The following INTU variants were observed in gnomAD, a reference collection of about 807,000 sequenced individuals.
INTU encodes protein inturned.
In INTU, 68 loss-of-function variants were observed where a neutral mutation model predicts 100.5. That is an observed-to-expected ratio of 0.68 (90% CI 0.56 to 0.83). The LOEUF (loss-of-function observed/expected upper bound fraction) is 0.83. Ranked by LOEUF, INTU falls within the 40% of genes least tolerant of loss-of-function variation. INTU has a pLI of 0.00. For synonymous variants in INTU, 357 were observed against 395.7 expected (o/e 0.90, Z 1.16); for missense variants, 1,071 against 1,114.7 (o/e 0.96, Z 0.56).
At chr4:127,707,275 CG>C (rs1278353612) in intron 12 of INTU, among the ~76,000 whole-genome samples, 6 of 149,648 alleles carry the variant, frequency 4.0e-5, no homozygotes, top group African/African-American at 1.5e-4. Context: ...CCAGATGCAT[CG>C]GGAGGCTGAG....
At chr4:127,675,470 T>A (rs1447729230) in intron 6 of INTU, among the ~76,000 whole-genome samples, 3 of 152,212 alleles carry the variant, frequency 2.0e-5, no homozygotes, top group African/African-American at 7.2e-5. Context: ...TTTATTGCTG[T>A]GTAACAAATC....
rs574911729 is a variant in INTU at position 127,646,031 on chromosome 4, A to C, written c.682+1975A>C. Among the ~76,000 whole-genome samples, 3 of 152,078 alleles carry C rather than the reference A, an allele frequency of 2.0e-5. No individual in the cohort carries two copies. The South Asian group carries it at 6.2e-4, about 32-fold the overall frequency. On this transcript the variant is annotated intron_variant, in intron 2 of 15. Transcript: ENST00000335251. The stretch of plus-strand genomic sequence containing the variant: ...GACCCCGTGTCTACTAAAAAATACA[A>C]AACTTAGCTGGGCCTTGTGGTGCAT...
chr4:127,655,908 C>T (rs1398376084), intron 2 of INTU, among the ~76,000 whole-genome samples: 6 of 152,172 alleles, frequency 3.9e-5, no homozygotes, highest in South Asian at 4.1e-4. Context: ...GAGCCAGGTG[C>T]GGGATATAAT....
intron 13 of INTU, among the ~76,000 whole-genome samples, chr4:127,710,588 A>G (rs1249292064): frequency 6.6e-6 from 1 of 152,154 alleles, no homozygotes; most frequent in East Asian, 1.9e-4. Flanking sequence ...ATTTAATACC[A>G]ACCATGGAAA....
At position 127,714,091 on chromosome 4, in the gene INTU, A is replaced by G. The variant is rs773287426; in HGVS notation, c.2715A>G (p.Val905=). Residue 905 remains valine (V), a splice_region_variant and synonymous_variant, in exon 15 of 16, where the codon GTA becomes GTG. Coordinates refer to ENST00000335251, the MANE Select transcript of INTU (RefSeq NM_015693.4). ...CACCAGTTATGGCTTACTGGGTAGT[A>G]GGGTAAGTGAGAAAAAAAAGTATTT... The part of the protein sequence containing the change: ...KAPPVMAYWV[V]GRLFLHPKPQ... The G allele has an allele frequency of 1.2e-6, 2 of 1,602,452 alleles. No homozygotes were observed. The highest frequency in any genetic ancestry group is 1.7e-6 in the Non-Finnish European group (2 of 1,176,970).
intron 13 of INTU, among the ~76,000 whole-genome samples, chr4:127,708,945 A>G (rs1299582659): frequency 1.3e-5 from 2 of 152,178 alleles, no homozygotes; most frequent in Non-Finnish European, 2.9e-5. Flanking sequence ...TATTTAATAT[A>G]ATTTTTAAAT....
chr4:127,659,162 A>T (rs1293876457), intron 3 of INTU, among the ~76,000 whole-genome samples: 2 of 152,134 alleles, frequency 1.3e-5, no homozygotes, highest in East Asian at 3.9e-4. Context: ...CTGGCCACTC[A>T]CCTCCTGCTA....
intron 2 of INTU, among the ~76,000 whole-genome samples, chr4:127,649,555 C>A (rs952999278): frequency 6.6e-6 from 1 of 151,864 alleles, no homozygotes; most frequent in Non-Finnish European, 1.5e-5. Flanking sequence ...TTGAGCATCC[C>A]AAATCTGACA....
intron 6 of INTU, among the ~76,000 whole-genome samples, chr4:127,681,909 A>G (rs1340753411): frequency 6.6e-6 from 1 of 152,200 alleles, no homozygotes; most frequent in East Asian, 1.9e-4. Flanking sequence ...ATCTGCAAGA[A>G]AAAAACAAAC....
At chr4:127,644,578 A>G (rs1054863496) in intron 2 of INTU, among the ~76,000 whole-genome samples, 3 of 152,228 alleles carry the variant, frequency 2.0e-5, no homozygotes, top group Non-Finnish European at 4.4e-5. Flanking sequence ...GTCATAAAAT[A>G]TATCTGTCAT....
chr4:127,684,514 A>C (rs1301170314), intron 7 of INTU, 28 bp downstream of exon 7: 2 of 1,242,456 alleles, frequency 1.6e-6, no homozygotes, highest in East Asian at 4.8e-5. Flanking sequence ...TTGAATCTCA[A>C]GTTTTAATTA....
At chr4:127,656,156 G>C (rs902862813) in intron 2 of INTU, among the ~76,000 whole-genome samples, 3 of 152,180 alleles carry the variant, frequency 2.0e-5, no homozygotes, top group African/African-American at 7.2e-5. Flanking sequence ...CGGTACCTCA[G>C]ATGGAAATGC....
chr4:127,673,973 G>T, intron 5 of INTU, 151 bp from the exon 6 acceptor site: 1 of 426,730 alleles, frequency 2.3e-6, no homozygotes, highest in Non-Finnish European at 4.0e-6. Context: ...ATAATTCCTT[G>T]CGTTTTTTAT....
intron 2 of INTU, among the ~76,000 whole-genome samples, chr4:127,646,579 A>G (rs897591465): frequency 6.6e-6 from 1 of 152,248 alleles, no homozygotes; most frequent in African/African-American, 2.4e-5. Context: ...CAATTCTGTC[A>G]GTCTTTCTCA....
At chr4:127,671,589 T>G (rs1364185938) in intron 5 of INTU, among the ~76,000 whole-genome samples, 1 of 152,038 alleles carries the variant, frequency 6.6e-6, no homozygotes, top group Admixed American at 6.6e-5. Flanking sequence ...AACTACAATT[T>G]GATCCAGTAA....
rs1024169359 is a variant in INTU, at chr4:127,725,657, C to T, written c.*9221C>T. ...GTGTCAGAGAAACATGAGACCATCG[C>T]TCAATAATGGAAATAAAAAGGCAGA... On this transcript the variant is annotated 3_prime_UTR_variant, in exon 16 of 16. Transcript: ENST00000335251. The T allele has an allele frequency of 2.0e-5, 3 of 152,018 alleles. No homozygotes were observed. Among genetic ancestry groups the T allele is most frequent in the African/African-American group, 7.3e-5 (3 of 41,370 alleles). The allele number at this position is 152,018 out of a possible 1,614,324, so 9.4% of individuals were successfully genotyped here. A position where few individuals can be genotyped will look rare whatever the true frequency, so the allele number is the denominator to read the frequency against.
At chr4:127,676,076 T>G (rs1420785454) in intron 6 of INTU, 1 of 168,454 alleles carries the variant, frequency 5.9e-6, no homozygotes, top group Non-Finnish European at 1.3e-5. Flanking sequence ...GTAACTTTAA[T>G]TTTGGACAGA....
At chr4:127,648,646 A>G (rs1425428310) in intron 2 of INTU, among the ~76,000 whole-genome samples, 4 of 152,232 alleles carry the variant, frequency 2.6e-5, no homozygotes, top group Non-Finnish European at 5.9e-5. Context: ...ATAACAAACT[A>G]TAGACAACAG....
chr4:127,671,027 A>T (rs115663604), intron 5 of INTU, among the ~76,000 whole-genome samples: 6,221 of 152,108 alleles, frequency 0.041, 191 homozygotes, highest in Non-Finnish European at 0.069. Context: ...AAAACCTAGG[A>T]AACACTCTTC....
Sources: gnomAD v4.1 joint callset for allele counts (sites outside exome capture counted in the v4.1 genomes callset) on GRCh38, gnomAD v4.1.1 for gene constraint, MANE v1.5 for transcripts, NCBI Gene and HGNC (gene_info 2026-07-23, HGNC 2026-07-21) for gene names.